The following SCUBE2 variants were observed in gnomAD, a reference collection of about 807,000 sequenced individuals.
SCUBE2 encodes the protein signal peptide, CUB and EGF-like domain-containing protein 2.
Under a neutral mutation model 125.9 loss-of-function variants are expected in SCUBE2, and 114 were observed. The ratio of observed to expected loss-of-function variants is 0.91; its 90% CI spans 0.78 to 1.06. The LOEUF is 1.06. Among genes scored for constraint, SCUBE2 ranks in the 50% least tolerant of loss-of-function variants. SCUBE2 has a pLI of 0.00. For missense variants in SCUBE2, 1,255 were observed against 1,301.8 expected (o/e 0.96, Z 0.55); for synonymous variants, 459 against 492.9 (o/e 0.93, Z 0.91).
Position 9,062,962 on chromosome 11 carries a change from C to T in SCUBE2, c.851-2438G>A, listed in dbSNP as rs372565245. Among the ~76,000 whole-genome samples, 33 of 152,052 alleles carry T rather than the reference C, an allele frequency of 2.2e-4. 1 individual carries two copies. In the South Asian group the frequency reaches 2.7e-3, roughly 12 times the overall value. ...GAGTGAAGAAATTTATCAAAGAAGACGGGTGCGGTGGCTCATGCCTGTAAT... is the reference window on the plus strand; with the variant it reads ...GAGTGAAGAAATTTATCAAAGAAGATGGGTGCGGTGGCTCATGCCTGTAAT... On this transcript the variant is annotated intron_variant, in intron 7 of 22. Coordinates refer to ENST00000649792, the MANE Select transcript of SCUBE2 (RefSeq NM_001367977.2).
chr11:9,053,514 G>T, intron 11 of SCUBE2, 123 bp downstream of exon 11: 3 of 1,113,574 alleles, frequency 2.7e-6, no homozygotes, highest in Non-Finnish European at 2.6e-6. Context: ...AAGAACAGTT[G>T]CTGCAGCTGG....
At chr11:9,090,808 A>G (rs115655667) in intron 1 of SCUBE2, among the ~76,000 whole-genome samples, 2,963 of 152,252 alleles carry the variant, frequency 0.019, 96 homozygotes, top group African/African-American at 0.066. Context: ...AAGCATTTTG[A>G]AAGTATTGCA....
At chr11:9,039,403 AC>A (rs1857011069) in intron 16 of SCUBE2, among the ~76,000 whole-genome samples, 1 of 152,232 alleles carries the variant, frequency 6.6e-6, no homozygotes, top group African/African-American at 2.4e-5. Flanking sequence ...CAGGCTTTCC[AC>A]TTGAGCAACT....
chr11:9,041,156 T>C (rs1037131203), intron 16 of SCUBE2, among the ~76,000 whole-genome samples: 3 of 152,268 alleles, frequency 2.0e-5, no homozygotes, highest in Admixed American at 1.3e-4. Flanking sequence ...TTAATCTTTA[T>C]CTTGTTCTGT....
At chr11:9,058,565 C>T (rs964426359) in intron 9 of SCUBE2, among the ~76,000 whole-genome samples, 3 of 136,780 alleles carry the variant, frequency 2.2e-5, no homozygotes, top group Non-Finnish European at 3.0e-5. Context: ...CACTGCACTC[C>T]AGCCTGGGTG....
intron 4 of SCUBE2, among the ~76,000 whole-genome samples, chr11:9,072,531 A>T (rs563558350): frequency 1.3e-5 from 2 of 152,330 alleles, no homozygotes; most frequent in African/African-American, 4.8e-5. Context: ...TTAAGCCTAC[A>T]GTTTCATAGA....
chr11:9,070,110 C>T (rs1006244021), intron 4 of SCUBE2, among the ~76,000 whole-genome samples: 1 of 151,960 alleles, frequency 6.6e-6, no homozygotes, highest in African/African-American at 2.4e-5. Flanking sequence ...CAGCATCACA[C>T]AGCAACAGCA....
rs941993417 is a variant in SCUBE2, at chr11:9,083,200, G to A, written c.257-3691C>T. Among the ~76,000 whole-genome samples, 12 of 151,690 alleles carry A rather than the reference G, an allele frequency of 7.9e-5. No individual in the cohort carries two copies. In the South Asian group the frequency reaches 8.3e-4, roughly 11 times the overall value. ...ATGCATGGAAGGAGGGGATGGAAGT[G>A]AATAAAAGTGGAATACGAAAAGAAA... is the stretch of plus-strand genomic sequence containing the variant. On this transcript the variant is annotated intron_variant, in intron 2 of 22. Coordinates refer to ENST00000649792, the MANE Select transcript of SCUBE2 (RefSeq NM_001367977.2).
At chr11:9,045,656 G>C (rs989177048) in intron 16 of SCUBE2, among the ~76,000 whole-genome samples, 1 of 137,354 alleles carries the variant, frequency 7.3e-6, no homozygotes, top group African/African-American at 2.8e-5. Context: ...CACACACACA[G>C]CCTTGTCTAT....
chr11:9,078,795 C>T (rs143633010), intron 3 of SCUBE2, among the ~76,000 whole-genome samples: 2 of 152,376 alleles, frequency 1.3e-5, no homozygotes, highest in East Asian at 3.9e-4. Flanking sequence ...CCCCATGCAG[C>T]TGCTAGCTGC....
At chr11:9,067,771 TA>T (rs1190021858) in intron 5 of SCUBE2, among the ~76,000 whole-genome samples, 12 of 152,100 alleles carry the variant, frequency 7.9e-5, no homozygotes, top group African/African-American at 2.4e-4. Flanking sequence ...ATGTTAAAAT[TA>T]AAAAAAGTTA....
At position 9,027,032 on chromosome 11, in the gene SCUBE2, A is replaced by T. The variant is rs61876294; in HGVS notation, c.2701+332T>A. ...AGGCTCGGTCAGTCTCCAAGCCATCAGTTGCAACTCAGTATGAGGCCTTGT... is the reference window on the plus strand; with the variant it reads ...AGGCTCGGTCAGTCTCCAAGCCATCTGTTGCAACTCAGTATGAGGCCTTGT... On this transcript the variant is annotated intron_variant, in intron 20 of 22. Coordinates refer to ENST00000649792, the MANE Select transcript of SCUBE2 (RefSeq NM_001367977.2). 2,543 of 312,776 alleles carry T rather than the reference A, an allele frequency of 8.1e-3. 22 individuals are homozygous for T. The highest frequency in any genetic ancestry group is 0.017 in the Middle Eastern group (17 of 976). 19.4% of individuals were successfully genotyped at this position (312,776 alleles called of 1,614,324 possible). A position where few individuals can be genotyped will look rare whatever the true frequency, so the allele number is the denominator to read the frequency against.
chr11:9,022,476 C>CCTTT (rs1333012580), intron 21 of SCUBE2: 2 of 155,592 alleles, frequency 1.3e-5, no homozygotes, highest in Non-Finnish European at 2.9e-5. Context: ...TAATTCTTTT[C>CCTTT]CTTTCTTTCT....
At chr11:9,037,121 G>A (rs899359769) in intron 16 of SCUBE2, among the ~76,000 whole-genome samples, 2 of 152,160 alleles carry the variant, frequency 1.3e-5, no homozygotes, top group Non-Finnish European at 2.9e-5. Context: ...CCTGAAAACC[G>A]CTCTTTGCAA....
chr11:9,025,066 T>C (rs1157846369), intron 21 of SCUBE2, among the ~76,000 whole-genome samples: 1 of 152,204 alleles, frequency 6.6e-6, no homozygotes, highest in African/African-American at 2.4e-5. Flanking sequence ...TTTATGCTCC[T>C]AGTCAATGTT....
intron 18 of SCUBE2, chr11:9,030,287 G>T: frequency 1.9e-6 from 1 of 536,974 alleles, no homozygotes; most frequent in East Asian, 3.2e-5. Flanking sequence ...TATGGTTCAT[G>T]CAGAGTCAGG....
chr11:9,057,940 G>A (rs994300870), intron 9 of SCUBE2, among the ~76,000 whole-genome samples: 7 of 152,112 alleles, frequency 4.6e-5, no homozygotes, highest in African/African-American at 1.7e-4. Context: ...TCAAAGGGAA[G>A]GTGCTCATCT....
At chr11:9,038,870 T>TTTTTCTTTTCTTTTCTTTTC (rs145817950) in intron 16 of SCUBE2, among the ~76,000 whole-genome samples, 4 of 151,170 alleles carry the variant, frequency 2.6e-5, no homozygotes, top group African/African-American at 7.3e-5. Context: ...CTGATTTATG[T>TTTTTCTTTTCTTTTCTTTTC]TTTTCTTTTC....
At chr11:9,035,270 C>A (rs1475813740) in intron 16 of SCUBE2, among the ~76,000 whole-genome samples, 1 of 152,120 alleles carries the variant, frequency 6.6e-6, no homozygotes, top group African/African-American at 2.4e-5. Flanking sequence ...CTCAACACAG[C>A]CCTAAGGATC....
Sources: allele counts gnomAD v4.1 joint callset (sites outside exome capture counted in the v4.1 genomes callset), GRCh38; gene constraint gnomAD v4.1.1; transcripts MANE v1.5; gene names NCBI Gene and HGNC (gene_info 2026-07-23, HGNC 2026-07-21).